The following ORC2 variants were observed in gnomAD, a reference collection of about 807,000 sequenced individuals.
The protein encoded by ORC2 is origin recognition complex subunit 2, also known as origin recognition complex protein 2 homolog.
ORC2 carries 37 observed loss-of-function variants against 77.7 expected under a neutral mutation model. The observed-to-expected ratio is 0.48, with a 90% CI of 0.37 to 0.63. The LOEUF (loss-of-function observed/expected upper bound fraction) is 0.63, where lower values mean the gene tolerates loss of function less well. ORC2 is among the 20% of genes least tolerant of loss of function. ORC2 has a pLI of 0.00. For synonymous variants in ORC2, 201 were observed against 229.5 expected, an observed-to-expected ratio of 0.88 and a Z score of 1.12; for missense variants, 557 against 661.9, an observed-to-expected ratio of 0.84 and a Z score of 1.74.
At chr2:200,936,503 G>C (rs916431803) in intron 8 of ORC2, among the ~76,000 whole-genome samples, 1 of 152,198 alleles carries the variant, frequency 6.6e-6, no homozygotes, top group African/African-American at 2.4e-5. Flanking sequence ...TGGTGGCAGA[G>C]TAAAAGATAG....
intron 11 of ORC2, among the ~76,000 whole-genome samples, chr2:200,928,933 T>C (rs1007803378): frequency 2.6e-5 from 4 of 152,152 alleles, no homozygotes; most frequent in African/African-American, 7.2e-5. Flanking sequence ...TACTAAACCA[T>C]TAATTCACTC....
At chr2:200,932,646 A>C (rs182379532) in intron 10 of ORC2, among the ~76,000 whole-genome samples, 1 of 152,088 alleles carries the variant, frequency 6.6e-6, no homozygotes, top group Non-Finnish European at 1.5e-5. Flanking sequence ...CCTCATTTCA[A>C]ACTTTAATTA....
rs916783811 is a variant in ORC2, at chr2:200,909,472, C to T, written c.*1829G>A. ...CCCTGATCCCAGTACTTTGGGAGGC[C>T]GAGGCAGGATCACTTGAGGTCAGGA... is the stretch of plus-strand genomic sequence containing the variant. On this transcript the variant is annotated 3_prime_UTR_variant, in exon 18 of 18. Transcript: ENST00000234296. 5 of 151,952 alleles carry T rather than the reference C, an allele frequency of 3.3e-5. No individual in the cohort carries two copies. Among genetic ancestry groups the T allele is most frequent in the African/African-American group, 9.7e-5 (4 of 41,438 alleles). 9.4% of individuals were successfully genotyped at this position (151,952 alleles called of 1,614,324 possible).
intron 5 of ORC2, 48 bp downstream of exon 5, chr2:200,949,506 C>A: frequency 9.8e-7 from 1 of 1,015,336 alleles, no homozygotes; most frequent in Non-Finnish European, 1.5e-6. Context: ...GTTAAATCTA[C>A]CTTAGGAAAG....
At chr2:200,914,037 A>G in intron 15 of ORC2, 45 bp from the exon 16 acceptor site, 2 of 1,221,130 alleles carry the variant, frequency 1.6e-6, no homozygotes, top group Non-Finnish European at 2.3e-6. Context: ...AAATGTTAAC[A>G]TCAAAAGGTA....
chr2:200,927,040 GA>G, intron 11 of ORC2, 140 bp from the exon 12 acceptor site: 1 of 833,496 alleles, frequency 1.2e-6, no homozygotes. Flanking sequence ...TGTAATCCCC[GA>G]ATTTTGGGAA....
intron 5 of ORC2, chr2:200,943,043 A>G (rs1161288886): frequency 4.1e-6 from 1 of 241,900 alleles, no homozygotes; most frequent in Non-Finnish European, 8.0e-6. Context: ...TCTAATTACC[A>G]TACTCTCCTC....
chr2:200,946,700 T>A (rs1488508893), intron 5 of ORC2, among the ~76,000 whole-genome samples: 1 of 152,194 alleles, frequency 6.6e-6, no homozygotes, highest in African/African-American at 2.4e-5. Flanking sequence ...AACTACTACT[T>A]GATTACTCCT....
At chr2:200,943,830 T>G (rs1345715317) in intron 5 of ORC2, among the ~76,000 whole-genome samples, 1 of 151,846 alleles carries the variant, frequency 6.6e-6, no homozygotes, top group Non-Finnish European at 1.5e-5. Flanking sequence ...CTTCCCTTGA[T>G]ATTAATTCCT....
chr2:200,932,503 C>T (rs2040962384), intron 10 of ORC2, among the ~76,000 whole-genome samples: 1 of 152,008 alleles, frequency 6.6e-6, no homozygotes, highest in Non-Finnish European at 1.5e-5. Flanking sequence ...CCACGCCTGG[C>T]TAATTTTTGT....
chr2:200,934,014 A>C, intron 9 of ORC2, 40 bp from the exon 10 acceptor site: 2 of 988,750 alleles, frequency 2.0e-6, no homozygotes, highest in Non-Finnish European at 3.1e-6. Flanking sequence ...GTAGCTTCAA[A>C]TATCTGTCTC....
intron 11 of ORC2, among the ~76,000 whole-genome samples, chr2:200,930,228 C>T (rs1477971802): frequency 6.6e-6 from 1 of 152,084 alleles, no homozygotes; most frequent in Admixed American, 6.6e-5. Flanking sequence ...AAGAGGTAAC[C>T]TCCAAAGGTA....
intron 5 of ORC2, among the ~76,000 whole-genome samples, chr2:200,948,309 A>T (rs1055608120): frequency 1.3e-5 from 2 of 152,106 alleles, no homozygotes; most frequent in East Asian, 3.9e-4. Context: ...TTGGCCACCC[A>T]AAGTGCTGAG....
intron 3 of ORC2, 93 bp downstream of exon 3, chr2:200,957,937 T>C (rs2041501064): frequency 1.2e-6 from 1 of 802,782 alleles, no homozygotes; most frequent in East Asian, 2.6e-5. Flanking sequence ...CTTTGCGCTA[T>C]ATTTTCAAAA....
chr2:200,954,803 A>G (rs1477420771), intron 4 of ORC2, among the ~76,000 whole-genome samples: 3 of 152,154 alleles, frequency 2.0e-5, no homozygotes, highest in African/African-American at 7.2e-5. Context: ...TAAAAAGGCT[A>G]ATTAGGGGTC....
chr2:200,935,342 C>T (rs894757766), intron 9 of ORC2, among the ~76,000 whole-genome samples: 16 of 152,284 alleles, frequency 1.1e-4, no homozygotes, highest in Middle Eastern at 3.4e-3. Flanking sequence ...AGGCTGGTCT[C>T]GAACTCCTGA....
chr2:200,938,547 T>C (rs1441554949), intron 7 of ORC2, among the ~76,000 whole-genome samples: 3 of 152,152 alleles, frequency 2.0e-5, no homozygotes, highest in Non-Finnish European at 4.4e-5. Context: ...AGTCTGTTTT[T>C]TTATAGAATA....
chr2:200,961,451 G>A (rs1273752959), intron 1 of ORC2, among the ~76,000 whole-genome samples: 5 of 152,118 alleles, frequency 3.3e-5, no homozygotes, highest in East Asian at 3.9e-4. Context: ...TGTGCTGGAC[G>A]CTAAATGCTT....
chr2:200,952,927 C>CTGGT (rs2041389356), intron 4 of ORC2, among the ~76,000 whole-genome samples: 1 of 151,576 alleles, frequency 6.6e-6, no homozygotes, highest in Non-Finnish European at 1.5e-5. Context: ...GCCTGGTCAA[C>CTGGT]ATGGTGAGAC....
Sources: allele counts gnomAD v4.1 joint callset (sites outside exome capture counted in the v4.1 genomes callset), GRCh38; gene constraint gnomAD v4.1.1; transcripts MANE v1.5; gene names NCBI Gene and HGNC (gene_info 2026-07-23, HGNC 2026-07-21).